Variants in MAP1B observed in about 807,000 individuals in gnomAD.
The protein encoded by MAP1B is microtubule-associated protein 1B.
In MAP1B, 12 loss-of-function variants were observed where a neutral mutation model predicts 176.1. The observed-to-expected ratio is 0.07, with a 90% CI of 0.04 to 0.11. The LOEUF (loss-of-function observed/expected upper bound fraction) is 0.11, where lower values mean the gene tolerates loss of function less well. Ranked by LOEUF, MAP1B falls within the 10% of genes least tolerant of loss-of-function variation. MAP1B has a pLI of 1.00. For missense variants in MAP1B, 2,523 were observed against 2,990.5 expected (o/e 0.84, Z 3.65); for synonymous variants, 1,044 against 1,135.0 (o/e 0.92, Z 1.61).
intron 2 of MAP1B, among the ~76,000 whole-genome samples, chr5:72,139,616 C>A (rs570305242): frequency 2.6e-5 from 4 of 152,056 alleles, no homozygotes; most frequent in Non-Finnish European, 5.9e-5. Flanking sequence ...TAATAAGTTG[C>A]CGTGACATAA....
rs147878868 is a variant in MAP1B at position 72,121,213 on chromosome 5, A to G, written c.286+5414A>G. ...GGCTGGCCTGCCTCCTTGCTATGATAACCCATCCATGGTCACTCCCTCCAC... is the reference window on the plus strand; with the variant it reads ...GGCTGGCCTGCCTCCTTGCTATGATGACCCATCCATGGTCACTCCCTCCAC... On this transcript the variant is annotated intron_variant, in intron 2 of 6. Transcript: ENST00000296755. Among the ~76,000 whole-genome samples the G allele has an allele frequency of 5.2e-3, 794 of 152,196 alleles. 10 individuals carry two copies. The highest frequency in any genetic ancestry group is 0.018 in the African/African-American group (761 of 41,518).
chr5:72,153,314 C>T (rs1325038827), intron 2 of MAP1B, among the ~76,000 whole-genome samples: 1 of 152,026 alleles, frequency 6.6e-6, no homozygotes, highest in East Asian at 1.9e-4. Context: ...ACACCCATGC[C>T]ATTTTCCTGC....
chr5:72,158,315 C>T (rs947313492), intron 2 of MAP1B, among the ~76,000 whole-genome samples: 1 of 151,998 alleles, frequency 6.6e-6, no homozygotes, highest in South Asian at 2.1e-4. Flanking sequence ...GCCTATCCCC[C>T]GATTCTTATG....
At chr5:72,132,759 A>G (rs1745756805) in intron 2 of MAP1B, among the ~76,000 whole-genome samples, 1 of 152,016 alleles carries the variant, frequency 6.6e-6, no homozygotes, top group Non-Finnish European at 1.5e-5. Context: ...CTAAAATTTT[A>G]TTTTGTTCCT....
chr5:72,167,128 G>C (rs1437753777), intron 2 of MAP1B, among the ~76,000 whole-genome samples: 2 of 151,738 alleles, frequency 1.3e-5, no homozygotes, highest in Non-Finnish European at 2.9e-5. Context: ...GAGGAACAAA[G>C]GGAAACAGGG....
intron 3 of MAP1B, among the ~76,000 whole-genome samples, chr5:72,185,988 A>G (rs1305109646): frequency 1.3e-5 from 2 of 152,234 alleles, no homozygotes; most frequent in African/African-American, 4.8e-5. Flanking sequence ...AACCATGTGC[A>G]ATTATCTCAA....
intron 2 of MAP1B, among the ~76,000 whole-genome samples, chr5:72,183,517 G>A (rs888468641): frequency 3.3e-5 from 5 of 152,204 alleles, no homozygotes; most frequent in African/African-American, 1.2e-4. Context: ...TGTGAGAGCG[G>A]GAGGAGCCCC....
Position 72,195,065 on chromosome 5 carries a change from A to G in MAP1B, c.1710A>G (p.Lys570=), listed in dbSNP as rs1747120030. The part of the protein sequence containing the change: ...ESKEETPEVT[K]VNHVEKPPKV... ...AAGAAGAAACCCCTGAGGTCACAAA[A>G]GTGAATCACGTGGAAAAGCCACCCA... The change falls in exon 5 of 7, where the codon AAA becomes AAG. Residue 570 remains lysine, a synonymous_variant. Coordinates refer to ENST00000296755, the MANE Select transcript of MAP1B (RefSeq NM_005909.5). 1 of 1,614,032 alleles carries G rather than the reference A, an allele frequency of 6.2e-7. No individual in the cohort carries two copies. The highest frequency in any genetic ancestry group is 8.5e-7 in the Non-Finnish European group (1 of 1,180,032).
chr5:72,185,611 A>G (rs1746880647), intron 3 of MAP1B, among the ~76,000 whole-genome samples: 2 of 125,160 alleles, frequency 1.6e-5, no homozygotes, highest in Admixed American at 1.5e-4. Flanking sequence ...AAAAGGAGAA[A>G]AAAAAAAAAA....
Position 72,182,023 on chromosome 5 carries a change from C to CTTTTT in MAP1B, c.287-1703_287-1699dup, listed in dbSNP as rs34251206. On this transcript the variant is annotated intron_variant, in intron 2 of 6. Transcript: ENST00000296755. ...ACAGGCATGAGCCACCGCACCTGGC[C>CTTTTT]TTTTTTTTTTTTTTTTTTTTTGGAG... Among the ~76,000 whole-genome samples the CTTTTT allele has an allele frequency of 1.0e-3, 99 of 94,734 alleles. 4 individuals are homozygous for CTTTTT. The highest frequency in any genetic ancestry group is 3.3e-3 in the African/African-American group (68 of 20,864). 62.1% of individuals were successfully genotyped at this position (94,734 alleles called of 152,430 possible).
At chr5:72,114,805 C>A (rs1745404487) in intron 1 of MAP1B, among the ~76,000 whole-genome samples, 1 of 152,176 alleles carries the variant, frequency 6.6e-6, no homozygotes, top group Non-Finnish European at 1.5e-5. Context: ...GGAAGCTGCC[C>A]TCATCCCGCC....
chr5:72,128,137 A>T (rs895877720), intron 2 of MAP1B, among the ~76,000 whole-genome samples: 6 of 152,216 alleles, frequency 3.9e-5, no homozygotes, highest in Non-Finnish European at 7.4e-5. Context: ...AACTCAGAAC[A>T]GTAGAATTGA....
intron 1 of MAP1B, among the ~76,000 whole-genome samples, chr5:72,112,127 T>C (rs935737870): frequency 2.0e-5 from 3 of 152,200 alleles, no homozygotes; most frequent in African/African-American, 4.8e-5. Flanking sequence ...TATAATCTTA[T>C]GATTCTAGGT....
rs1746827526 is a variant in MAP1B at position 72,183,539 on chromosome 5, ACC to A, written c.287-202_287-201del. On this transcript the variant is annotated intron_variant, in intron 2 of 6. Transcript: ENST00000296755. The stretch of plus-strand genomic sequence containing the variant: ...GCGGGAGGAGCCCCCGACCACACAA[ACC>A]CAGCCTGGGGAGGAACCTACTAGTG... Among the ~76,000 whole-genome samples, 10 of 152,268 alleles carry A rather than the reference ACC, an allele frequency of 6.6e-5. No homozygotes were observed. The South Asian group carries it at 1.7e-3, about 25-fold the overall frequency.
At position 72,186,824 on chromosome 5, in the gene MAP1B, T is replaced by A; in HGVS notation, c.510+70T>A. Reference sequence around the variant, plus strand: ...GCCTTAGGTTCCTCTTTGAGAGCACTGGGGGAGACAAAAGAAGAAGGGAGG... The same window carrying A: ...GCCTTAGGTTCCTCTTTGAGAGCACAGGGGGAGACAAAAGAAGAAGGGAGG... On this transcript the variant is annotated intron_variant, in intron 4 of 6. Transcript: ENST00000296755. This position sits in a 1 kb window ranked among gnomAD's most constrained non-coding sequence, Gnocchi z 4.3. 3 of 1,563,030 alleles carry A rather than the reference T, an allele frequency of 1.9e-6. No homozygotes were observed. The highest frequency in any genetic ancestry group is 2.6e-6 in the Non-Finnish European group (3 of 1,142,992).
At chr5:72,109,831 C>T (rs1745286346) in intron 1 of MAP1B, among the ~76,000 whole-genome samples, 1 of 152,212 alleles carries the variant, frequency 6.6e-6, no homozygotes, top group South Asian at 2.1e-4. Context: ...TTGTGGGCAG[C>T]GCCCCATGCT....
intron 1 of MAP1B, among the ~76,000 whole-genome samples, chr5:72,112,815 G>A (rs1485690887): frequency 6.6e-6 from 1 of 152,182 alleles, no homozygotes; most frequent in Non-Finnish European, 1.5e-5. Flanking sequence ...TAGAATGCTG[G>A]GGAAACAAAG....
intron 2 of MAP1B, among the ~76,000 whole-genome samples, chr5:72,141,853 A>G (rs540487367): frequency 1.3e-5 from 2 of 152,088 alleles, no homozygotes; most frequent in Non-Finnish European, 2.9e-5. Flanking sequence ...AAACGTTTCC[A>G]CCCTAATTCT....
At chr5:72,168,012 G>C (rs1326254045) in intron 2 of MAP1B, among the ~76,000 whole-genome samples, 1 of 152,266 alleles carries the variant, frequency 6.6e-6, no homozygotes, top group Admixed American at 6.5e-5. Flanking sequence ...CTGACGCACG[G>C]AAAGCACTGC....
Sources: allele counts gnomAD v4.1 joint callset (sites outside exome capture counted in the v4.1 genomes callset), GRCh38; gene constraint gnomAD v4.1.1; non-coding constraint Gnocchi (gnomAD v3.1); transcripts MANE v1.5; gene names NCBI Gene and HGNC (gene_info 2026-07-23, HGNC 2026-07-21).